The following EVC variants were observed in gnomAD, a reference collection of about 807,000 sequenced individuals.
EVC encodes EvC ciliary complex subunit 1.
A neutral mutation model predicts 118.9 loss-of-function variants in EVC; 116 were observed. The ratio of observed to expected loss-of-function variants is 0.98; its 90% CI spans 0.84 to 1.14. The LOEUF (loss-of-function observed/expected upper bound fraction) is 1.14, where lower values mean the gene tolerates loss of function less well. Among genes scored for constraint, EVC ranks in the 50% most tolerant of loss-of-function variants. The pLI is 0.00. For missense variants in EVC, 1,401 were observed against 1,246.4 expected (o/e 1.12, Z -1.87); for synonymous variants, 619 against 534.7 (o/e 1.16, Z -2.18).
At chr4:5,827,694 G>GCA in the EVC span, among the ~76,000 whole-genome samples, 1 of 151,386 alleles carries the variant, frequency 6.6e-6, no homozygotes, top group Non-Finnish European at 1.5e-5. Flanking sequence ...ATGTACACAT[G>GCA]CACACATGAC....
chr4:5,769,561 A>G (rs11731928), intron 11 of EVC, among the ~76,000 whole-genome samples: 6,230 of 152,184 alleles, frequency 0.041, 161 homozygotes, highest in Middle Eastern at 0.058. Flanking sequence ...GTGGCTCGGC[A>G]CCTCACAAAC....
At position 5,767,929 on chromosome 4, in the gene EVC, C is replaced by A. The variant is rs534370640; in HGVS notation, c.1563+11567C>A. ...ATTCGGCCATCTTGGCCCCTCCCCC[C>A]ACCGGCAGCTTAGAATTTTACTTTT... On this transcript the variant is annotated intron_variant, in intron 11 of 20. Transcript: ENST00000264956. Among the ~76,000 whole-genome samples, 7 of 152,192 alleles carry A rather than the reference C, an allele frequency of 4.6e-5. No homozygotes were observed. In the East Asian group the frequency reaches 5.8e-4, roughly 13 times the overall value.
At chr4:5,748,788 CCA>C in intron 8 of EVC, among the ~76,000 whole-genome samples, 15 of 111,800 alleles carry the variant, frequency 1.3e-4, no homozygotes, top group Admixed American at 2.8e-4. Flanking sequence ...ACCCATCCAT[CCA>C]TCCATCCATC....
At chr4:5,741,936 A>G in intron 6 of EVC, 122 bp downstream of exon 6, 1 of 552,344 alleles carries the variant, frequency 1.8e-6, no homozygotes, top group Non-Finnish European at 3.2e-6. Context: ...TATACTTTTC[A>G]ACACAGTATA....
At chr4:5,712,828 G>C (rs1030296560) in intron 1 of EVC, among the ~76,000 whole-genome samples, 4 of 152,156 alleles carry the variant, frequency 2.6e-5, no homozygotes, top group Non-Finnish European at 4.4e-5. Flanking sequence ...GAGAGAGAAA[G>C]GGAAGTAACA....
chr4:5,810,548 C>T (rs1716742990), intron 20 of EVC, 98 bp downstream of exon 20: 4 of 864,460 alleles, frequency 4.6e-6, no homozygotes, highest in East Asian at 2.6e-5. Context: ...CATCAGTCCC[C>T]TCAGAGGCAT....
At position 5,806,349 on chromosome 4, in the gene EVC, G is replaced by A. The variant is rs184063042; in HGVS notation, c.2561+1508G>A. On this transcript the variant is annotated intron_variant, in intron 17 of 20. Transcript: ENST00000264956. ...CACCCGCCTTGGCCTCTCGGTGCTGGGATTACAGGTGTGAGCCACTGCGCC... is the reference window on the plus strand; with the variant it reads ...CACCCGCCTTGGCCTCTCGGTGCTGAGATTACAGGTGTGAGCCACTGCGCC... Among the ~76,000 whole-genome samples, 395 of 151,976 alleles carry A rather than the reference G, an allele frequency of 2.6e-3. 2 individuals carry two copies. The highest frequency in any genetic ancestry group is 9.0e-3 in the African/African-American group (374 of 41,442).
intron 11 of EVC, among the ~76,000 whole-genome samples, chr4:5,763,895 C>T (rs1732455460): frequency 8.5e-6 from 1 of 118,054 alleles, no homozygotes; most frequent in Non-Finnish European, 1.8e-5. Context: ...CCCTTTATTT[C>T]CTTCTCCTGC....
At chr4:5,790,118 T>C (rs1490726425) in intron 12 of EVC, among the ~76,000 whole-genome samples, 2 of 143,362 alleles carry the variant, frequency 1.4e-5, no homozygotes, top group African/African-American at 5.2e-5. Context: ...GAAGCGGAGG[T>C]TGCAGCGAGC....
the EVC span, among the ~76,000 whole-genome samples, chr4:5,827,741 A>G: frequency 6.8e-6 from 1 of 147,122 alleles, no homozygotes; most frequent in Non-Finnish European, 1.5e-5. Context: ...GTGCACACAC[A>G]CACACACACA....
intron 2 of EVC, among the ~76,000 whole-genome samples, chr4:5,728,559 C>G (rs1414498358): frequency 6.6e-6 from 1 of 152,130 alleles, no homozygotes; most frequent in African/African-American, 2.4e-5. Flanking sequence ...ATTGAATACC[C>G]TTTATTTCCT....
At chr4:5,779,831 AT>A (rs1170220308) in intron 11 of EVC, among the ~76,000 whole-genome samples, 1 of 142,920 alleles carries the variant, frequency 7.0e-6, no homozygotes, top group African/African-American at 2.7e-5. Flanking sequence ...AATACCCTTT[AT>A]TTCCTTCTCC....
At chr4:5,720,794 C>T (rs1724824123) in intron 2 of EVC, among the ~76,000 whole-genome samples, 1 of 152,160 alleles carries the variant, frequency 6.6e-6, no homozygotes, top group African/African-American at 2.4e-5. Flanking sequence ...TTAACTTTAC[C>T]GTTGGTAATT....
intron 15 of EVC, chr4:5,801,654 AGAGT>A (rs977978842): frequency 1.4e-5 from 5 of 364,498 alleles, no homozygotes; most frequent in Non-Finnish European, 2.1e-5. Context: ...CCTAGGCAAC[AGAGT>A]GAGTCTCCAT....
chr4:5,722,058 C>G (rs1323387769), intron 2 of EVC, among the ~76,000 whole-genome samples: 1 of 152,150 alleles, frequency 6.6e-6, no homozygotes, highest in Non-Finnish European at 1.5e-5. Context: ...GAGCTAGAAT[C>G]CTGGAACCCA....
At chr4:5,786,900 G>A (rs1298074745) in intron 12 of EVC, among the ~76,000 whole-genome samples, 2 of 150,504 alleles carry the variant, frequency 1.3e-5, no homozygotes, top group East Asian at 1.9e-4. Context: ...ATTAACACAC[G>A]ATAGTTAGAG....
At chr4:5,748,020 G>A in intron 7 of EVC, 128 bp from the exon 8 acceptor site, 1 of 1,065,340 alleles carries the variant, frequency 9.4e-7, no homozygotes, top group Non-Finnish European at 1.4e-6. Flanking sequence ...TAAACTCACT[G>A]AAACTGTAGA....
At chr4:5,751,933 G>A (rs140048161) in intron 8 of EVC, among the ~76,000 whole-genome samples, 1 of 152,316 alleles carries the variant, frequency 6.6e-6, no homozygotes, top group Non-Finnish European at 1.5e-5. Flanking sequence ...CCTGCACCAT[G>A]CCTGGGGTGC....
chr4:5,793,700 G>T lies in EVC; in HGVS notation c.1869G>T (p.Leu623=), dbSNP rs1235735730. 6.4e-7 allele frequency: 1 copy of T among 1,550,466 alleles called. No homozygotes were observed. Among genetic ancestry groups the T allele is most frequent in the Non-Finnish European group, 8.7e-7 (1 of 1,147,192 alleles). ...CCATCCGCGGCGTCTTGGGCCGACT[G>T]GGCGGCCTCACTGAAGAGTGAGTAC... ...EGTIRGVLGR[L]GGLTEESTRC... is the part of the protein sequence containing the mutation. The change falls in exon 13 of 21, where the codon CTG becomes CTT. Residue 623 remains leucine (L), a synonymous_variant. Transcript: ENST00000264956.
Sources: gnomAD v4.1 joint callset for allele counts (sites outside exome capture counted in the v4.1 genomes callset) on GRCh38, gnomAD v4.1.1 for gene constraint, MANE v1.5 for transcripts, NCBI Gene and HGNC (gene_info 2026-07-23, HGNC 2026-07-21) for gene names.